RANBP17: variants seen among roughly 807,000 people sequenced by gnomAD.
RANBP17 encodes RAN binding protein 17.
Under a neutral mutation model 141.2 loss-of-function variants are expected in RANBP17, and 158 were observed. That is an observed-to-expected ratio of 1.12 (90% CI 0.98 to 1.28). The LOEUF (loss-of-function observed/expected upper bound fraction) is 1.28, where lower values mean the gene tolerates loss of function less well. RANBP17 is among the 50% of genes most tolerant of loss of function. The probability of loss-of-function intolerance (pLI) is 0.00; values close to 1 mark genes in which losing one functional copy is unlikely to be tolerated. For synonymous variants in RANBP17, 430 were observed against 450.0 expected (o/e 0.96, Z 0.56); for missense variants, 1,438 against 1,290.7 (o/e 1.11, Z -1.75).
intron 12 of RANBP17, among the ~76,000 whole-genome samples, chr5:170,943,623 T>C (rs1774515334): frequency 6.6e-6 from 1 of 152,110 alleles, no homozygotes; most frequent in Non-Finnish European, 1.5e-5. Flanking sequence ...TTTAGTATTA[T>C]TATAAAATGA....
rs1774597544 is a variant in RANBP17 at position 170,944,527 on chromosome 5, C to T, written c.1469-9070C>T. ...AAGTGATGTGCCTGCCTCAGCCTCC[C>T]AAAGTGCTGGTATTACAGGCGTGAG... On this transcript the variant is annotated intron_variant, in intron 12 of 27. Transcript: ENST00000523189. 2.0e-5 allele frequency among the ~76,000 whole-genome samples: 3 copies of T among 152,304 alleles called. No homozygotes were observed. In the South Asian group the frequency reaches 6.2e-4, roughly 32 times the overall value.
chr5:170,919,129 A>C (rs1352846698), intron 10 of RANBP17, among the ~76,000 whole-genome samples: 1 of 151,996 alleles, frequency 6.6e-6, no homozygotes, highest in African/African-American at 2.4e-5. Flanking sequence ...ATTATAGAAA[A>C]GTTTTTAAAA....
intron 14 of RANBP17, among the ~76,000 whole-genome samples, chr5:171,036,653 C>T (rs1052549188): frequency 1.3e-5 from 2 of 151,970 alleles, no homozygotes; most frequent in Admixed American, 1.3e-4. Context: ...TGGGTACCCA[C>T]TATTTAGCTA....
intron 24 of RANBP17, among the ~76,000 whole-genome samples, chr5:171,245,461 T>G (rs959215094): frequency 1.3e-5 from 2 of 152,026 alleles, no homozygotes; most frequent in Non-Finnish European, 2.9e-5. Context: ...ATTACAGGCA[T>G]GCACCACCAC....
intron 21 of RANBP17, among the ~76,000 whole-genome samples, chr5:171,216,999 G>T (rs1368139594): frequency 2.0e-5 from 3 of 152,180 alleles, no homozygotes; most frequent in Non-Finnish European, 4.4e-5. Flanking sequence ...GGTTTTCAAA[G>T]GGAATGCTTC....
At chr5:171,116,896 T>A (rs1463135243) in intron 14 of RANBP17, among the ~76,000 whole-genome samples, 1 of 152,182 alleles carries the variant, frequency 6.6e-6, no homozygotes, top group Non-Finnish European at 1.5e-5. Flanking sequence ...AGCCTCCACA[T>A]GTGAGTGAGA....
intron 18 of RANBP17, 142 bp from the exon 19 acceptor site, chr5:171,199,528 A>C: frequency 2.1e-6 from 1 of 483,566 alleles, no homozygotes; most frequent in Admixed American, 3.7e-5. Context: ...AGTGAGCAAA[A>C]GTACAAAATG....
chr5:171,034,609 G>A (rs908177373), intron 14 of RANBP17, among the ~76,000 whole-genome samples: 1 of 152,172 alleles, frequency 6.6e-6, no homozygotes, highest in East Asian at 1.9e-4. Flanking sequence ...TTACATGAAT[G>A]TTTTTGTGAC....
intron 3 of RANBP17, among the ~76,000 whole-genome samples, chr5:170,885,882 T>G (rs75080255): frequency 6.6e-6 from 1 of 151,806 alleles, no homozygotes; most frequent in African/African-American, 2.4e-5. Flanking sequence ...TTTTTTTTTT[T>G]TGCCACATCC....
At chr5:171,087,448 G>T (rs144526958) in intron 14 of RANBP17, among the ~76,000 whole-genome samples, 3 of 152,198 alleles carry the variant, frequency 2.0e-5, no homozygotes, top group Admixed American at 2.0e-4. Flanking sequence ...CTGTTGATTT[G>T]GGGTGGAGAG....
intron 14 of RANBP17, among the ~76,000 whole-genome samples, chr5:171,086,485 G>A (rs1399431871): frequency 7.0e-6 from 1 of 142,584 alleles, no homozygotes; most frequent in East Asian, 2.1e-4. Flanking sequence ...CATAAAATGA[G>A]TTAGGGAGGA....
intron 1 of RANBP17, among the ~76,000 whole-genome samples, chr5:170,874,515 G>T (rs1768004939): frequency 2.0e-5 from 3 of 152,154 alleles, no homozygotes; most frequent in Admixed American, 2.0e-4. Flanking sequence ...GGATGCTCCT[G>T]CATCGGTTGC....
At chr5:171,242,984 A>G in intron 24 of RANBP17, 164 bp downstream of exon 24, 3 of 653,724 alleles carry the variant, frequency 4.6e-6, no homozygotes, top group Non-Finnish European at 5.3e-6. Flanking sequence ...GTATTTCTTC[A>G]TATTTTGATA....
In RANBP17 at chr5:171,071,774, A is replaced by C. The variant is rs190601347; in HGVS notation, c.1711-98356A>C. Among the ~76,000 whole-genome samples, 46 of 152,128 alleles carry C rather than the reference A, an allele frequency of 3.0e-4. 2 individuals carry two copies. Among genetic ancestry groups the C allele is most frequent in the African/African-American group, 1.1e-3 (45 of 41,566 alleles). ...TATAACATAAAACTATAAAACTTCT[A>C]GAAGAAAACATTTAAGAAAATCTCC... is the stretch of plus-strand genomic sequence containing the variant. On this transcript the variant is annotated intron_variant, in intron 14 of 27. Transcript: ENST00000523189.
chr5:170,976,204 A>G (rs900506690), intron 14 of RANBP17, among the ~76,000 whole-genome samples: 5 of 152,300 alleles, frequency 3.3e-5, no homozygotes, highest in South Asian at 2.1e-4. Context: ...CACTTGCAAT[A>G]AACAACCCAA....
At chr5:171,116,879 C>G (rs560828532) in intron 14 of RANBP17, among the ~76,000 whole-genome samples, 3 of 152,176 alleles carry the variant, frequency 2.0e-5, no homozygotes, top group Non-Finnish European at 4.4e-5. Context: ...GAGACCAACT[C>G]TTTCTTAGCC....
chr5:171,161,011 G>A (rs937937478), intron 14 of RANBP17, among the ~76,000 whole-genome samples: 1 of 152,126 alleles, frequency 6.6e-6, no homozygotes. Context: ...TGTTGGCCAG[G>A]CTAGTCTGGA....
At chr5:171,246,205 T>C (rs1333610863) in intron 24 of RANBP17, among the ~76,000 whole-genome samples, 1 of 152,170 alleles carries the variant, frequency 6.6e-6, no homozygotes, top group African/African-American at 2.4e-5. Flanking sequence ...TATAAGTCAC[T>C]GTTCAGACAA....
At chr5:170,936,686 G>T (rs1340774882) in intron 12 of RANBP17, among the ~76,000 whole-genome samples, 2 of 152,094 alleles carry the variant, frequency 1.3e-5, no homozygotes, top group Admixed American at 6.5e-5. Context: ...CACTTGAAAA[G>T]AATATGTATT....
Sources: gnomAD v4.1 joint callset for allele counts (sites outside exome capture counted in the v4.1 genomes callset) on GRCh38, gnomAD v4.1.1 for gene constraint, MANE v1.5 for transcripts, NCBI Gene and HGNC (gene_info 2026-07-23, HGNC 2026-07-21) for gene names.